The following MICAL3 variants were observed in gnomAD, a reference collection of about 807,000 sequenced individuals.
The protein encoded by MICAL3 is [F-actin]-monooxygenase MICAL3.
In MICAL3, 62 loss-of-function variants were observed where a neutral mutation model predicts 207.4. That is an observed-to-expected ratio of 0.30 (90% CI 0.24 to 0.37). MICAL3 has a LOEUF of 0.37. Ranked by LOEUF, MICAL3 falls within the 10% of genes least tolerant of loss-of-function variation. MICAL3 has a pLI of 1.00. For missense variants in MICAL3, 2,368 were observed against 2,635.6 expected (o/e 0.90, Z 2.22); for synonymous variants, 1,077 against 1,069.3 (o/e 1.01, Z -0.14).
chr22:17,982,716 A>AT (rs11393673), intron 1 of MICAL3, among the ~76,000 whole-genome samples: 3,860 of 90,322 alleles, frequency 0.043, 132 homozygotes, highest in African/African-American at 0.13. Flanking sequence ...ATAACATAAC[A>AT]AACATAACAT....
intron 21 of MICAL3, among the ~76,000 whole-genome samples, chr22:17,831,299 T>C (rs967449090): frequency 6.6e-6 from 1 of 152,118 alleles, no homozygotes; most frequent in Non-Finnish European, 1.5e-5. Context: ...TGGGGCAGAA[T>C]TGAAAAATCT....
chr22:17,819,266 G>C (rs1674090346), intron 25 of MICAL3, 137 bp from the exon 26 acceptor site: 2 of 876,988 alleles, frequency 2.3e-6, no homozygotes, highest in African/African-American at 1.7e-5. Flanking sequence ...GCTGTTATTA[G>C]AACAGCTCCA....
chr22:17,926,496 CT>C (rs2146307559), intron 1 of MICAL3, among the ~76,000 whole-genome samples: 1 of 152,352 alleles, frequency 6.6e-6, no homozygotes, highest in African/African-American at 2.4e-5. Context: ...CTAGCACCAT[CT>C]TTGTAACTGT....
chr22:17,923,616 T>C (rs567090709), intron 1 of MICAL3, among the ~76,000 whole-genome samples: 2 of 152,312 alleles, frequency 1.3e-5, no homozygotes, highest in South Asian at 4.1e-4. Context: ...TGCCCACCCC[T>C]TGGTTTTCTA....
chr22:18,000,834 ACG>A (rs1032493951), intron 1 of MICAL3, among the ~76,000 whole-genome samples: 2 of 152,152 alleles, frequency 1.3e-5, no homozygotes, highest in African/African-American at 4.8e-5. Context: ...CGCTTGGCGC[ACG>A]CTAGCTCCAG....
At chr22:18,001,514 G>A (rs952450723) in intron 1 of MICAL3, 1 of 152,416 alleles carries the variant, frequency 6.6e-6, no homozygotes, top group African/African-American at 2.4e-5. Context: ...CGCAGCCGGG[G>A]GATGGGCGGG....
intron 12 of MICAL3, among the ~76,000 whole-genome samples, chr22:17,891,256 C>CA (rs11303045): frequency 2.1e-4 from 30 of 143,962 alleles, no homozygotes; most frequent in Middle Eastern, 3.6e-3. Flanking sequence ...TATAGGAGCA[C>CA]AAAAAAAAAA....
chr22:18,017,390 T>C (rs1397654982), intron 1 of MICAL3, among the ~76,000 whole-genome samples: 3 of 151,270 alleles, frequency 2.0e-5, no homozygotes, highest in Non-Finnish European at 2.9e-5. Context: ...ATTTTTTTTA[T>C]TTTTTTAGTG....
intron 5 of MICAL3, 41 bp downstream of exon 5, chr22:17,901,837 T>C: frequency 6.7e-7 from 1 of 1,489,344 alleles, no homozygotes; most frequent in South Asian, 1.1e-5. Flanking sequence ...GCATCAGCTT[T>C]CCCTCTGCTA....
chr22:17,987,045 C>A (rs1274544276), intron 1 of MICAL3, among the ~76,000 whole-genome samples: 1 of 151,932 alleles, frequency 6.6e-6, no homozygotes, highest in Non-Finnish European at 1.5e-5. Context: ...CGAGGCCAGC[C>A]TGGGCAACAC....
Position 17,991,053 on chromosome 22 carries a change from A to T in MICAL3, c.-75+33228T>A, listed in dbSNP as rs182747220. Reference sequence around the variant, plus strand: ...AGCTGAGTGGGGCAGCGCAGCAGAGATGGTCCACACGGCTCCTGGCGTGCA... The same window carrying T: ...AGCTGAGTGGGGCAGCGCAGCAGAGTTGGTCCACACGGCTCCTGGCGTGCA... On this transcript the variant is annotated intron_variant, in intron 1 of 31. Coordinates refer to ENST00000441493, the MANE Select transcript of MICAL3 (RefSeq NM_015241.3). Among the ~76,000 whole-genome samples the T allele has an allele frequency of 2.1e-3, 318 of 152,342 alleles. 1 individual carries two copies. The Middle Eastern group carries it at 0.048, about 23-fold the overall frequency.
At chr22:17,881,825 C>A (rs965284570) in intron 16 of MICAL3, among the ~76,000 whole-genome samples, 3 of 152,226 alleles carry the variant, frequency 2.0e-5, no homozygotes, top group African/African-American at 7.2e-5. Flanking sequence ...AAGGCAGGAG[C>A]ATGATGTCAA....
intron 19 of MICAL3, among the ~76,000 whole-genome samples, chr22:17,851,637 A>G (rs1210841712): frequency 2.6e-5 from 4 of 152,226 alleles, no homozygotes; most frequent in Non-Finnish European, 5.9e-5. Flanking sequence ...CATGACCACC[A>G]TGCCTGTCAG....
intron 29 of MICAL3, among the ~76,000 whole-genome samples, chr22:17,804,195 C>A (rs2061967486): frequency 1.3e-5 from 2 of 152,178 alleles, no homozygotes; most frequent in African/African-American, 4.8e-5. Flanking sequence ...GGAACTCCTG[C>A]CCCTGGGACT....
intron 13 of MICAL3, 29 bp from the exon 14 acceptor site, chr22:17,887,464 C>T (rs1280777512): frequency 6.5e-7 from 1 of 1,546,972 alleles, no homozygotes; most frequent in South Asian, 1.1e-5. Flanking sequence ...GATGTTCAAG[C>T]ACAGCCCTTG....
At chr22:17,875,584 A>C in intron 16 of MICAL3, 6 of 1,427,862 alleles carry the variant, frequency 4.2e-6, no homozygotes, top group Non-Finnish European at 4.8e-6. Flanking sequence ...GAAAAACAAA[A>C]GTAAAGGAAA....
chr22:17,823,330 T>C (rs1921849244), intron 22 of MICAL3, among the ~76,000 whole-genome samples: 2 of 152,186 alleles, frequency 1.3e-5, no homozygotes, highest in African/African-American at 2.4e-5. Flanking sequence ...ATTGTTCCTC[T>C]TCCCCCAAAG....
At chr22:17,908,173 G>T (rs889801385) in intron 1 of MICAL3, among the ~76,000 whole-genome samples, 2 of 152,200 alleles carry the variant, frequency 1.3e-5, no homozygotes, top group African/African-American at 4.8e-5. Context: ...AGACGAGTGT[G>T]ACCACAGGGC....
intron 19 of MICAL3, chr22:17,863,350 C>G: frequency 1.0e-6 from 1 of 985,342 alleles, no homozygotes; most frequent in Non-Finnish European, 1.2e-6. Context: ...AGGGCCCAGA[C>G]TAATAAGGTG....
Sources: allele counts gnomAD v4.1 joint callset (sites outside exome capture counted in the v4.1 genomes callset), GRCh38; gene constraint gnomAD v4.1.1; transcripts MANE v1.5; gene names NCBI Gene and HGNC (gene_info 2026-07-23, HGNC 2026-07-21).